TRDN: variants seen among roughly 807,000 people sequenced by gnomAD.
The protein encoded by TRDN is triadin in skeletal muscle.
In TRDN, 161 loss-of-function variants were observed where a neutral mutation model predicts 149.7. That is an observed-to-expected ratio of 1.08 (90% confidence interval 0.95 to 1.23). The LOEUF (loss-of-function observed/expected upper bound fraction) is 1.23. Among genes scored for constraint, TRDN ranks in the 50% most tolerant of loss-of-function variants. TRDN has a pLI of 0.00. For missense variants in TRDN, 896 were observed against 823.5 expected (o/e 1.09, Z -1.08); for synonymous variants, 294 against 250.5 (o/e 1.17, Z -1.64).
At chr6:123,298,762 T>A (rs1191528907) in intron 24 of TRDN, among the ~76,000 whole-genome samples, 2 of 151,788 alleles carry the variant, frequency 1.3e-5, no homozygotes, top group Non-Finnish European at 2.9e-5. Context: ...GGGGAGGGAG[T>A]TGCAAAAAAG....
intron 20 of TRDN, among the ~76,000 whole-genome samples, chr6:123,356,954 C>T (rs528263692): frequency 1.3e-5 from 2 of 151,360 alleles, no homozygotes; most frequent in African/African-American, 4.8e-5. Flanking sequence ...TGTTGTACTA[C>T]TTGATTTCTA....
intron 20 of TRDN, among the ~76,000 whole-genome samples, chr6:123,361,335 G>A (rs1160785998): frequency 6.6e-6 from 1 of 152,036 alleles, no homozygotes; most frequent in Admixed American, 6.5e-5. Flanking sequence ...GGAACAATGA[G>A]AACAGGGAGG....
In TRDN at chr6:123,545,544, C is replaced by G. The variant is rs200106984; in HGVS notation, c.424+1796G>C. Among the ~76,000 whole-genome samples the G allele has an allele frequency of 2.6e-5, 4 of 151,886 alleles. No individual in the cohort carries two copies. The East Asian group carries it at 7.7e-4, about 29-fold the overall frequency. ...CAAGATAGAGCATCTGAGATTTTTA[C>G]TTAAATGTCAATTTTTTTCATGTAA... On this transcript the variant is annotated intron_variant, in intron 4 of 40. Coordinates refer to ENST00000334268, the MANE Select transcript of TRDN (RefSeq NM_006073.4).
At chr6:123,395,666 A>C (rs1772695707) in intron 12 of TRDN, among the ~76,000 whole-genome samples, 1 of 152,158 alleles carries the variant, frequency 6.6e-6, no homozygotes, top group Non-Finnish European at 1.5e-5. Context: ...TGCATTGAAG[A>C]TACTGTTTCC....
chr6:123,338,490 A>G (rs2114739459), intron 21 of TRDN, among the ~76,000 whole-genome samples: 1 of 152,322 alleles, frequency 6.6e-6, no homozygotes, highest in South Asian at 2.1e-4. Context: ...TAACACCACC[A>G]TGCTGGAGAG....
chr6:123,630,079 G>A (rs1412819523), intron 1 of TRDN, among the ~76,000 whole-genome samples: 1 of 151,986 alleles, frequency 6.6e-6, no homozygotes, highest in Non-Finnish European at 1.5e-5. Flanking sequence ...AGAACTTTAA[G>A]TAAAATGGAG....
chr6:123,284,555 G>C (rs1450253154), intron 24 of TRDN, among the ~76,000 whole-genome samples: 1 of 151,854 alleles, frequency 6.6e-6, no homozygotes, highest in Non-Finnish European at 1.5e-5. Context: ...CACAGCCAGC[G>C]TAACACTGAA....
At chr6:123,248,133 A>G (rs1776250029) in intron 38 of TRDN, among the ~76,000 whole-genome samples, 1 of 152,196 alleles carries the variant, frequency 6.6e-6, no homozygotes, top group South Asian at 2.1e-4. Flanking sequence ...AAAATTAAAC[A>G]AAAGATCAAT....
chr6:123,474,087 C>T (rs992992972), intron 9 of TRDN, among the ~76,000 whole-genome samples: 3 of 151,878 alleles, frequency 2.0e-5, no homozygotes, highest in African/African-American at 7.3e-5. Context: ...CAAATTCACA[C>T]ATAACAATAT....
chr6:123,398,342 A>G (rs4443521), intron 12 of TRDN, among the ~76,000 whole-genome samples: 57,395 of 152,064 alleles, frequency 0.38, 11,751 homozygotes, highest in East Asian at 0.81. Flanking sequence ...AACTAAATAT[A>G]GAAAAGTTGA....
intron 5 of TRDN, among the ~76,000 whole-genome samples, chr6:123,526,291 G>C (rs1779945031): frequency 6.6e-6 from 1 of 151,922 alleles, no homozygotes; most frequent in Non-Finnish European, 1.5e-5. Context: ...ATGGTATCTA[G>C]GAACTGATAG....
intron 24 of TRDN, among the ~76,000 whole-genome samples, chr6:123,295,176 C>T (rs1778150365): frequency 6.6e-6 from 1 of 152,128 alleles, no homozygotes; most frequent in Admixed American, 6.5e-5. Context: ...ATGACAACAC[C>T]CAGGAGTTAC....
intron 33 of TRDN, among the ~76,000 whole-genome samples, chr6:123,263,165 G>T (rs1005786615): frequency 6.6e-6 from 1 of 152,060 alleles, no homozygotes; most frequent in African/African-American, 2.4e-5. Context: ...TTACTCCAGT[G>T]ACCACATAAA....
chr6:123,269,558 T>G (rs1777131421), intron 31 of TRDN, among the ~76,000 whole-genome samples: 1 of 151,960 alleles, frequency 6.6e-6, no homozygotes, highest in African/African-American at 2.4e-5. Context: ...GACAGACTTC[T>G]GGATATTTCT....
intron 5 of TRDN, among the ~76,000 whole-genome samples, chr6:123,529,711 T>A (rs907105682): frequency 2.0e-5 from 3 of 152,046 alleles, no homozygotes; most frequent in African/African-American, 7.2e-5. Flanking sequence ...AAATAAATTA[T>A]CTCATTTTCT....
chr6:123,305,659 A>T (rs1778582248), intron 24 of TRDN, among the ~76,000 whole-genome samples: 1 of 152,146 alleles, frequency 6.6e-6, no homozygotes. Context: ...TTTCCTTGAG[A>T]TGTTGGAACA....
chr6:123,290,809 T>C (rs1332382557), intron 24 of TRDN, among the ~76,000 whole-genome samples: 1 of 152,112 alleles, frequency 6.6e-6, no homozygotes. Flanking sequence ...AGTTTCAAAA[T>C]ATGAGGGAAC....
intron 9 of TRDN, among the ~76,000 whole-genome samples, chr6:123,483,409 T>C (rs752481038): frequency 6.6e-6 from 1 of 152,054 alleles, no homozygotes; most frequent in Non-Finnish European, 1.5e-5. Context: ...GCCAGTATTA[T>C]TAATTTTTAA....
intron 23 of TRDN, among the ~76,000 whole-genome samples, chr6:123,330,737 A>C (rs920595800): frequency 1.4e-4 from 22 of 152,066 alleles, no homozygotes; most frequent in Admixed American, 1.3e-3. Context: ...CATTAGTTGC[A>C]AAATTAGGAA....
Sources: gnomAD v4.1 joint callset for allele counts (sites outside exome capture counted in the v4.1 genomes callset) on GRCh38, gnomAD v4.1.1 for gene constraint, MANE v1.5 for transcripts, NCBI Gene and HGNC (gene_info 2026-07-23, HGNC 2026-07-21) for gene names.